Variants in KIF16B observed in about 807,000 individuals in gnomAD.
KIF16B encodes the protein kinesin-like protein KIF16B.
KIF16B carries 98 observed loss-of-function variants against 156.3 expected under a neutral mutation model. The observed-to-expected ratio is 0.63, with a 90% CI of 0.53 to 0.74. The LOEUF (loss-of-function observed/expected upper bound fraction) is 0.74, where lower values mean the gene tolerates loss of function less well. Among genes scored for constraint, KIF16B ranks in the 30% least tolerant of loss-of-function variants. The pLI is 0.00. For missense variants in KIF16B, 1,421 were observed against 1,606.5 expected (o/e 0.88, Z 1.97); for synonymous variants, 564 against 583.7 (o/e 0.97, Z 0.49).
intron 12 of KIF16B, among the ~76,000 whole-genome samples, chr20:16,488,159 G>A (rs1011652960): frequency 6.6e-6 from 1 of 152,182 alleles, no homozygotes; most frequent in Non-Finnish European, 1.5e-5. Flanking sequence ...AAACAAAAGG[G>A]ACCTTATTGA....
At chr20:16,392,197 A>G (rs1253169508) in intron 17 of KIF16B, among the ~76,000 whole-genome samples, 1 of 152,166 alleles carries the variant, frequency 6.6e-6, no homozygotes, top group African/African-American at 2.4e-5. Flanking sequence ...CCTACCAGAG[A>G]GTCTATTATT....
chr20:16,538,760 TA>T (rs1174029195), intron 1 of KIF16B, among the ~76,000 whole-genome samples: 1 of 152,204 alleles, frequency 6.6e-6, no homozygotes, highest in Non-Finnish European at 1.5e-5. Context: ...TGATGAATTG[TA>T]ATCTCCAATG....
chr20:16,307,784 C>T (rs2063562406), intron 25 of KIF16B, among the ~76,000 whole-genome samples: 1 of 152,116 alleles, frequency 6.6e-6, no homozygotes, highest in Non-Finnish European at 1.5e-5. Context: ...TGGTCCTTTA[C>T]CACTGGCAGT....
intron 12 of KIF16B, among the ~76,000 whole-genome samples, chr20:16,445,693 A>G (rs2066913898): frequency 6.6e-6 from 1 of 152,100 alleles, no homozygotes. Flanking sequence ...TACAGAACCA[A>G]CGAGGTGCTT....
chr20:16,278,166 A>G (rs1448093003), intron 25 of KIF16B, among the ~76,000 whole-genome samples: 1 of 152,124 alleles, frequency 6.6e-6, no homozygotes, highest in Non-Finnish European at 1.5e-5. Context: ...CATGGGAAAG[A>G]GAAGAGGCCG....
chr20:16,308,610 G>A (rs1413099821), intron 25 of KIF16B, among the ~76,000 whole-genome samples: 4 of 152,256 alleles, frequency 2.6e-5, no homozygotes, highest in Admixed American at 2.0e-4. Context: ...CCTGTAAGAT[G>A]AAGATAATGG....
intron 17 of KIF16B, among the ~76,000 whole-genome samples, chr20:16,395,960 T>C (rs2146202244): frequency 6.6e-6 from 1 of 152,170 alleles, no homozygotes; most frequent in East Asian, 1.9e-4. Flanking sequence ...CTTAAAACTA[T>C]ATGTACTCTG....
intron 1 of KIF16B, among the ~76,000 whole-genome samples, chr20:16,539,292 G>C (rs1335383941): frequency 1.3e-5 from 2 of 152,214 alleles, no homozygotes; most frequent in Non-Finnish European, 2.9e-5. Context: ...TTAAATAGTT[G>C]TGACCAAAAT....
At chr20:16,490,715 T>C (rs2068264158) in intron 12 of KIF16B, among the ~76,000 whole-genome samples, 2 of 152,186 alleles carry the variant, frequency 1.3e-5, no homozygotes, top group Non-Finnish European at 1.5e-5. Context: ...ACCTTGATCT[T>C]GGACTTCCAG....
chr20:16,281,303 G>A (rs1249650020), intron 25 of KIF16B, among the ~76,000 whole-genome samples: 2 of 152,130 alleles, frequency 1.3e-5, no homozygotes, highest in East Asian at 3.9e-4. Context: ...TAACCACGGT[G>A]GCGGCTTAAA....
intron 15 of KIF16B, among the ~76,000 whole-genome samples, chr20:16,409,969 ACATATATATATATATATATATATGTAGG>A (rs2065882793): frequency 3.6e-5 from 1 of 27,738 alleles, no homozygotes; most frequent in African/African-American, 1.6e-4. Flanking sequence ...ATATATATAT[ACATATATATATATATATATATATGTAGG>A]TACATATATA....
At chr20:16,329,029 C>A (rs2063904087) in intron 24 of KIF16B, among the ~76,000 whole-genome samples, 2 of 152,070 alleles carry the variant, frequency 1.3e-5, no homozygotes, top group East Asian at 1.9e-4. Flanking sequence ...AAAATAAAGT[C>A]TTTTTAAAAA....
chr20:16,539,030 T>C (rs2070090843), intron 1 of KIF16B, among the ~76,000 whole-genome samples: 1 of 152,108 alleles, frequency 6.6e-6, no homozygotes, highest in African/African-American at 2.4e-5. Context: ...ATGCTTCCTG[T>C]ATAGCCATCA....
intron 17 of KIF16B, among the ~76,000 whole-genome samples, chr20:16,400,084 GA>G (rs1247796148): frequency 1.3e-5 from 2 of 152,220 alleles, no homozygotes; most frequent in Non-Finnish European, 2.9e-5. Context: ...TGGGTTTTGA[GA>G]AACATGCAAA....
In KIF16B at chr20:16,419,774, A is replaced by C. The variant is rs574008122; in HGVS notation, c.1612+7330T>G. ...AAAATAATAATTAAAATAAGAGAGAATAGCTCCTAGAAGTTATAGGACAAA... is the reference window on the plus strand; with the variant it reads ...AAAATAATAATTAAAATAAGAGAGACTAGCTCCTAGAAGTTATAGGACAAA... On this transcript the variant is annotated intron_variant, in intron 15 of 25. Coordinates refer to ENST00000354981, the MANE Select transcript of KIF16B (RefSeq NM_024704.5). 2.0e-5 allele frequency among the ~76,000 whole-genome samples: 3 copies of C among 152,274 alleles called. No individual in the cohort carries two copies. In the South Asian group the frequency reaches 6.2e-4, roughly 32 times the overall value.
In KIF16B at chr20:16,378,745, T is replaced by C. The variant is rs1390319713; in HGVS notation, c.3197+60A>G. ...AAAAGGATAAACACAACATGAGGAG[T>C]GAAAAATGAGCACTCATTTGGCACC... is the stretch of plus-strand genomic sequence containing the variant. On this transcript the variant is annotated intron_variant, in intron 19 of 25. Coordinates refer to ENST00000354981, the MANE Select transcript of KIF16B (RefSeq NM_024704.5). The C allele has an allele frequency of 6.2e-6, 9 of 1,460,214 alleles. No homozygotes were observed. The East Asian group carries it at 1.9e-4, about 31-fold the overall frequency. 90.5% of individuals were successfully genotyped at this position (1,460,214 alleles called of 1,614,324 possible). A position where few individuals can be genotyped will look rare whatever the true frequency, so the allele number is the denominator to read the frequency against.
rs768519208 is a variant in KIF16B at position 16,494,312 on chromosome 20, A to G, written c.1281T>C (p.Asn427=). 1.7e-5 allele frequency: 28 copies of G among 1,603,508 alleles called. No homozygotes were observed. In the East Asian group the frequency reaches 2.0e-4, roughly 12 times the overall value. Residue 427 remains asparagine, a synonymous_variant, in exon 12 of 26, where the codon AAT becomes AAC. Coordinates refer to ENST00000354981, the MANE Select transcript of KIF16B (RefSeq NM_024704.5). ...TTACTTTCAAAATATTTTGGGTTTC[A>G]TTCCACTTATTTGTCCATTCCTTGG... The part of the protein sequence containing the change: ...ELTKEWTNKW[N]ETQNILKEQT...
intron 22 of KIF16B, among the ~76,000 whole-genome samples, chr20:16,365,397 T>C (rs1395651435): frequency 2.0e-5 from 3 of 152,098 alleles, no homozygotes; most frequent in South Asian, 4.1e-4. Context: ...TTAAAAGCCT[T>C]TAGGTATAAG....
intron 15 of KIF16B, among the ~76,000 whole-genome samples, chr20:16,410,047 G>A (rs1297636383): frequency 8.1e-5 from 5 of 61,390 alleles, no homozygotes; most frequent in Non-Finnish European, 1.5e-4. Flanking sequence ...ATATATATAT[G>A]TTGGTACATA....
Sources: gnomAD v4.1 joint callset for allele counts (sites outside exome capture counted in the v4.1 genomes callset) on GRCh38, gnomAD v4.1.1 for gene constraint, MANE v1.5 for transcripts, NCBI Gene and HGNC (gene_info 2026-07-23, HGNC 2026-07-21) for gene names.